PTPRT: variants seen among roughly 807,000 people sequenced by gnomAD.
PTPRT encodes protein tyrosine phosphatase receptor type T, also known as receptor-type tyrosine-protein phosphatase T.
In PTPRT, 56 loss-of-function variants were observed where a neutral mutation model predicts 176.8. That is an observed-to-expected ratio of 0.32 (90% CI 0.26 to 0.40). The LOEUF (loss-of-function observed/expected upper bound fraction) is 0.40. Among genes scored for constraint, PTPRT ranks in the 10% least tolerant of loss-of-function variants. The pLI is 1.00. For missense variants in PTPRT, 1,540 were observed against 1,908.2 expected, an observed-to-expected ratio of 0.81 and a Z score of 3.60; for synonymous variants, 783 against 739.0, an observed-to-expected ratio of 1.06 and a Z score of -0.96.
chr20:42,355,437 G>A (rs907697887), intron 9 of PTPRT, among the ~76,000 whole-genome samples: 21 of 152,198 alleles, frequency 1.4e-4, no homozygotes, highest in East Asian at 3.9e-4. Flanking sequence ...AAAAATGCTC[G>A]TGGAGGTATC....
At chr20:42,972,068 G>A (rs1982676199) in intron 1 of PTPRT, among the ~76,000 whole-genome samples, 1 of 150,888 alleles carries the variant, frequency 6.6e-6, no homozygotes, top group Non-Finnish European at 1.5e-5. Context: ...ATGGTAGGTA[G>A]TCAAAGAAGG....
At chr20:42,325,597 G>T (rs2057870538) in intron 11 of PTPRT, among the ~76,000 whole-genome samples, 1 of 152,034 alleles carries the variant, frequency 6.6e-6, no homozygotes, top group South Asian at 2.1e-4. Flanking sequence ...TTACAGCTCT[G>T]AACTAAGCTT....
intron 1 of PTPRT, among the ~76,000 whole-genome samples, chr20:42,942,347 C>T (rs78141356): frequency 0.018 from 2,737 of 152,324 alleles, 35 homozygotes; most frequent in East Asian, 0.063. Flanking sequence ...AGAACATATA[C>T]AAACAAATGA....
At chr20:43,059,174 A>AAGCCATACATGAAT (rs1386326643) in intron 1 of PTPRT, among the ~76,000 whole-genome samples, 2 of 152,178 alleles carry the variant, frequency 1.3e-5, no homozygotes, top group Non-Finnish European at 2.9e-5. Flanking sequence ...TTCCGTTAAG[A>AAGCCATACATGAAT]CTGCTGATTC....
chr20:42,074,338 G>A lies in PTPRT; in HGVS notation c.*6541C>T, dbSNP rs1018302393. 8 of 233,776 alleles carry A rather than the reference G, an allele frequency of 3.4e-5. No individual in the cohort carries two copies. Among genetic ancestry groups the A allele is most frequent in the African/African-American group, 1.8e-4 (8 of 45,426 alleles). The allele number at this position is 233,776 out of a possible 1,614,324, so 14.5% of individuals were successfully genotyped here. On this transcript the variant is annotated 3_prime_UTR_variant, in exon 31 of 31. Transcript: ENST00000373187. Reference sequence around the variant, plus strand: ...TACAGAGACTCAATTTTGTAATTTTGGTGGTTTACTTCCTATGACCCTTTC... The same window carrying A: ...TACAGAGACTCAATTTTGTAATTTTAGTGGTTTACTTCCTATGACCCTTTC...
At chr20:42,746,578 C>T (rs753433009) in intron 6 of PTPRT, among the ~76,000 whole-genome samples, 81 of 151,772 alleles carry the variant, frequency 5.3e-4, no homozygotes, top group Non-Finnish European at 1.0e-3. Flanking sequence ...GATTTGAACC[C>T]GAGACCTCTG....
At chr20:42,964,061 C>G (rs994859678) in intron 1 of PTPRT, among the ~76,000 whole-genome samples, 1 of 152,050 alleles carries the variant, frequency 6.6e-6, no homozygotes, top group Non-Finnish European at 1.5e-5. Context: ...TTGCCAGCCC[C>G]TGCAACCTAC....
Position 42,422,131 on chromosome 20 carries a change from G to GACATAGGC in PTPRT, c.1560+26081_1560+26088dup, listed in dbSNP as rs567705660. On this transcript the variant is annotated intron_variant, in intron 9 of 30. Coordinates refer to ENST00000373187, the MANE Select transcript of PTPRT (RefSeq NM_007050.6). ...TGACGACCTAACCAATACCATTCAG[G>GACATAGGC]ACATAGGCATGGGCCAAAATTTCAT... is the stretch of plus-strand genomic sequence containing the variant. 1.3e-3 allele frequency among the ~76,000 whole-genome samples: 202 copies of GACATAGGC among 152,278 alleles called. 1 individual carries two copies. The highest frequency in any genetic ancestry group is 4.7e-3 in the African/African-American group (195 of 41,564).
intron 7 of PTPRT, among the ~76,000 whole-genome samples, chr20:42,658,300 C>T (rs909084813): frequency 4.6e-5 from 7 of 152,174 alleles, no homozygotes; most frequent in Non-Finnish European, 7.3e-5. Flanking sequence ...ATTGAACTGA[C>T]AGCCAGCAGC....
intron 5 of PTPRT, among the ~76,000 whole-genome samples, chr20:42,759,117 A>G (rs2076879380): frequency 1.3e-5 from 2 of 152,236 alleles, no homozygotes; most frequent in South Asian, 4.1e-4. Flanking sequence ...GCAGGGGGTC[A>G]TCAAAAGGAG....
At chr20:42,190,678 T>A (rs1279651218) in intron 16 of PTPRT, among the ~76,000 whole-genome samples, 3 of 152,182 alleles carry the variant, frequency 2.0e-5, no homozygotes, top group Non-Finnish European at 4.4e-5. Flanking sequence ...GCCTGAGAAT[T>A]TGCTTGTAAC....
At chr20:42,048,319 G>C in the PTPRT span, among the ~76,000 whole-genome samples, 2 of 152,150 alleles carry the variant, frequency 1.3e-5, no homozygotes, top group Non-Finnish European at 2.9e-5. Context: ...CATATTCTCT[G>C]GTGCTCCTCC....
chr20:42,986,168 G>A (rs922674850), intron 1 of PTPRT, among the ~76,000 whole-genome samples: 7 of 152,176 alleles, frequency 4.6e-5, no homozygotes, highest in South Asian at 2.1e-4. Context: ...CTATGCCAAC[G>A]AATATGTCAT....
At chr20:42,535,205 T>C (rs1358452326) in intron 7 of PTPRT, among the ~76,000 whole-genome samples, 1 of 152,176 alleles carries the variant, frequency 6.6e-6, no homozygotes, top group Non-Finnish European at 1.5e-5. Flanking sequence ...GCCATTATCC[T>C]AAGTGAACCA....
chr20:42,530,566 T>C (rs1245805415), intron 7 of PTPRT, among the ~76,000 whole-genome samples: 1 of 151,996 alleles, frequency 6.6e-6, no homozygotes, highest in Non-Finnish European at 1.5e-5. Context: ...GGAAGAAGAG[T>C]TAATCAGATC....
At chr20:42,156,132 C>A (rs1989340531) in intron 17 of PTPRT, among the ~76,000 whole-genome samples, 1 of 152,170 alleles carries the variant, frequency 6.6e-6, no homozygotes, top group Non-Finnish European at 1.5e-5. Flanking sequence ...TAATTTGGTT[C>A]TTCCTACTTC....
At chr20:42,690,669 A>G (rs894887197) in intron 6 of PTPRT, among the ~76,000 whole-genome samples, 1 of 152,134 alleles carries the variant, frequency 6.6e-6, no homozygotes, top group African/African-American at 2.4e-5. Context: ...TGCCCAATAC[A>G]CTTCATCCCT....
chr20:42,488,647 G>A (rs2071504576), intron 7 of PTPRT, among the ~76,000 whole-genome samples: 1 of 151,912 alleles, frequency 6.6e-6, no homozygotes. Context: ...TAATAAGTAA[G>A]AGTCCTTTAT....
chr20:42,574,706 T>C (rs1378449537), intron 7 of PTPRT, among the ~76,000 whole-genome samples: 1 of 152,084 alleles, frequency 6.6e-6, no homozygotes, highest in African/African-American at 2.4e-5. Flanking sequence ...AGAAAGGTGA[T>C]ATGGTTTGGC....
Sources: gnomAD v4.1 joint callset for allele counts (sites outside exome capture counted in the v4.1 genomes callset) on GRCh38, gnomAD v4.1.1 for gene constraint, MANE v1.5 for transcripts, NCBI Gene and HGNC (gene_info 2026-07-23, HGNC 2026-07-21) for gene names.